AFF2: variants seen among roughly 807,000 people sequenced by gnomAD.
AFF2 encodes the protein ALF transcription elongation factor 2.
Under a neutral mutation model 76.9 loss-of-function variants are expected in AFF2, and 14 were observed. The observed-to-expected ratio is 0.18, with a 90% CI of 0.12 to 0.28. The LOEUF is 0.28. Ranked by LOEUF, AFF2 falls within the 10% of genes least tolerant of loss-of-function variation. The probability of loss-of-function intolerance (pLI) is 1.00; values close to 1 mark genes in which losing one functional copy is unlikely to be tolerated. For missense variants in AFF2, 868 were observed against 1,001.1 expected (o/e 0.87, Z 1.79); for synonymous variants, 398 against 366.7 (o/e 1.09, Z -0.98).
chrX:148,615,024 G>A (rs1353619564), intron 1 of AFF2, among the ~76,000 whole-genome samples: 2 of 109,945 alleles, frequency 1.8e-5, no homozygotes, highest in South Asian at 3.8e-4. Context: ...CAAAGTGAAC[G>A]TAAATTTCTG....
intron 3 of AFF2, among the ~76,000 whole-genome samples, chrX:148,790,340 A>G (rs2069875332): frequency 9.0e-6 from 1 of 111,645 alleles, no homozygotes; most frequent in South Asian, 3.8e-4. Context: ...ATTACTGGGT[A>G]TATAACCAAA....
chrX:148,555,082 G>A (rs960186907), intron 1 of AFF2, among the ~76,000 whole-genome samples: 3 of 112,205 alleles, frequency 2.7e-5, no homozygotes, highest in Non-Finnish European at 5.6e-5. Flanking sequence ...CCTGCAAAAC[G>A]AATGGGCTTT....
chrX:148,683,692 G>A (rs185540833), intron 3 of AFF2, among the ~76,000 whole-genome samples: 111 of 111,309 alleles, frequency 1.0e-3, no homozygotes, highest in African/African-American at 3.6e-3. Flanking sequence ...TTTGTTTGTA[G>A]GCTTTCCAAG....
At chrX:148,603,467 T>C (rs868957772) in intron 1 of AFF2, among the ~76,000 whole-genome samples, 10 of 94,132 alleles carry the variant, frequency 1.1e-4, no homozygotes, top group Non-Finnish European at 1.5e-4. Flanking sequence ...TTTTTTTTTT[T>C]CCCCCATCAT....
At chrX:148,617,429 T>C (rs1160394158) in intron 1 of AFF2, among the ~76,000 whole-genome samples, 2 of 112,192 alleles carry the variant, frequency 1.8e-5, no homozygotes, top group Non-Finnish European at 3.8e-5. Flanking sequence ...TGTTTGTTTT[T>C]TTCTTGTAAA....
chrX:148,673,786 G>A (rs782804718), intron 3 of AFF2, among the ~76,000 whole-genome samples: 1 of 111,855 alleles, frequency 8.9e-6, no homozygotes, highest in Admixed American at 9.5e-5. Flanking sequence ...ACTGACTTCA[G>A]GTTTAGTCCA....
At chrX:148,715,064 G>A (rs888460111) in intron 3 of AFF2, among the ~76,000 whole-genome samples, 14 of 110,846 alleles carry the variant, frequency 1.3e-4, no homozygotes, top group African/African-American at 3.0e-4. Context: ...CAGGAATGCC[G>A]TCACTGCAGA....
rs16994860 is a variant in AFF2 at position 148,952,503 on chromosome X, C to A, written c.1398-1077C>A. Among the ~76,000 whole-genome samples, 1,038 of 111,574 alleles carry A rather than the reference C, an allele frequency of 9.3e-3. 15 individuals carry two copies. The highest frequency in any genetic ancestry group is 0.033 in the African/African-American group (996 of 30,598). ...AACTGATCTCCAAAGAGGGGTTAGG[C>A]TGAAGACACAGAGGGAGATTAGAAC... On this transcript the variant is annotated intron_variant, in intron 9 of 20. Coordinates refer to ENST00000370460, the MANE Select transcript of AFF2 (RefSeq NM_002025.4).
intron 1 of AFF2, among the ~76,000 whole-genome samples, chrX:148,518,240 A>G (rs2052559880): frequency 9.0e-6 from 1 of 111,217 alleles, no homozygotes; most frequent in African/African-American, 3.3e-5. Context: ...GGGAGTGTGG[A>G]TTTTGCTAAA....
At chrX:148,642,828 A>G (rs2054103970) in intron 1 of AFF2, among the ~76,000 whole-genome samples, 1 of 112,586 alleles carries the variant, frequency 8.9e-6, no homozygotes, top group Non-Finnish European at 1.9e-5. Flanking sequence ...ACTCCTGAGC[A>G]GCACCACAGA....
At chrX:148,647,912 C>T (rs782127198) in intron 1 of AFF2, among the ~76,000 whole-genome samples, 1 of 111,425 alleles carries the variant, frequency 9.0e-6, no homozygotes, top group Non-Finnish European at 1.9e-5. Context: ...TACCACTGTG[C>T]GCTAATGAAG....
chrX:148,896,349 G>A (rs2071284142), intron 8 of AFF2, among the ~76,000 whole-genome samples: 1 of 111,767 alleles, frequency 8.9e-6, no homozygotes, highest in Non-Finnish European at 1.9e-5. Flanking sequence ...CAACTTTTCT[G>A]TTTTAATATA....
intron 3 of AFF2, among the ~76,000 whole-genome samples, chrX:148,777,342 C>T (rs1284287257): frequency 1.5e-4 from 17 of 111,850 alleles, no homozygotes; most frequent in Non-Finnish European, 2.4e-4. Flanking sequence ...TATACGGGCT[C>T]TTTTTTGGTT....
intron 4 of AFF2, among the ~76,000 whole-genome samples, chrX:148,833,624 A>C: frequency 9.0e-6 from 1 of 110,583 alleles, no homozygotes; most frequent in Non-Finnish European, 1.9e-5. Context: ...AATAAAAAAT[A>C]AAAAATTAGT....
intron 3 of AFF2, among the ~76,000 whole-genome samples, chrX:148,728,611 A>G (rs948801468): frequency 7.1e-5 from 8 of 112,663 alleles, no homozygotes; most frequent in Non-Finnish European, 1.1e-4. Flanking sequence ...TCCGATGAAT[A>G]TGCCAGCTGT....
chrX:148,625,450 G>A (rs1557251892), intron 1 of AFF2, among the ~76,000 whole-genome samples: 2 of 110,749 alleles, frequency 1.8e-5, no homozygotes, highest in Non-Finnish European at 3.8e-5. Context: ...CAAAGGACAG[G>A]AGAGTGGTCA....
At position 148,985,285 on chromosome X, in the gene AFF2, C is replaced by CTTTTTTTTTTT. The variant is rs151339705; in HGVS notation, c.3624-2058_3624-2048dup. Among the ~76,000 whole-genome samples, 111 of 15,381 alleles carry CTTTTTTTTTTT rather than the reference C, an allele frequency of 7.2e-3. 45 individuals carry two copies. The highest frequency in any genetic ancestry group is 8.7e-3 in the Non-Finnish European group (74 of 8,459). The allele number at this position is 15,381 out of a possible 115,157, so 13.4% of individuals were successfully genotyped here. A position where few individuals can be genotyped will look rare whatever the true frequency, so the allele number is the denominator to read the frequency against. ...ACAGGCATGAGCCCCTGTGCCTGGC[C>CTTTTTTTTTTT]TTTTTTTTTTTTTTTTTTTTTTTTT... On this transcript the variant is annotated intron_variant, in intron 19 of 20. Coordinates refer to ENST00000370460, the MANE Select transcript of AFF2 (RefSeq NM_002025.4).
At chrX:148,761,061 C>G (rs73605932) in intron 3 of AFF2, among the ~76,000 whole-genome samples, 2,710 of 111,454 alleles carry the variant, frequency 0.024, 89 homozygotes, top group African/African-American at 0.084. Context: ...GTATTCTGAC[C>G]TCAGTTTCCT....
At chrX:148,911,379 A>G (rs1396324748) in intron 9 of AFF2, among the ~76,000 whole-genome samples, 4 of 111,737 alleles carry the variant, frequency 3.6e-5, no homozygotes, top group Admixed American at 9.5e-5. Flanking sequence ...ATACATGCAC[A>G]TCACAGACAT....
Sources: allele counts gnomAD v4.1 joint callset (sites outside exome capture counted in the v4.1 genomes callset), GRCh38; gene constraint gnomAD v4.1.1; transcripts MANE v1.5; gene names NCBI Gene and HGNC (gene_info 2026-07-23, HGNC 2026-07-21).